MYT1L: variants seen among roughly 807,000 people sequenced by gnomAD.
The protein encoded by MYT1L is myelin transcription factor 1-like protein.
A neutral mutation model predicts 126.7 loss-of-function variants in MYT1L; 12 were observed. The observed-to-expected ratio is 0.09, with a 90% CI of 0.06 to 0.15. The LOEUF (loss-of-function observed/expected upper bound fraction) is 0.15, where lower values mean the gene tolerates loss of function less well. MYT1L is among the 10% of genes least tolerant of loss of function. The pLI, the probability that MYT1L is intolerant of heterozygous loss-of-function variation, is 1.00. For missense variants in MYT1L, 979 were observed against 1,585.2 expected, an observed-to-expected ratio of 0.62 and a Z score of 6.49; for synonymous variants, 541 against 604.2, an observed-to-expected ratio of 0.90 and a Z score of 1.53.
chr2:1,959,369 C>A (rs2058771894), intron 8 of MYT1L, among the ~76,000 whole-genome samples: 3 of 152,300 alleles, frequency 2.0e-5, no homozygotes, highest in Admixed American at 2.0e-4. Context: ...CCTGTGACCT[C>A]TCAGACCGTC....
At chr2:2,226,555 C>T (rs2094014991) in intron 2 of MYT1L, among the ~76,000 whole-genome samples, 1 of 152,044 alleles carries the variant, frequency 6.6e-6, no homozygotes, top group Non-Finnish European at 1.5e-5. Context: ...TGTCTGTTCT[C>T]CCAAAGCCAG....
At chr2:2,082,692 C>T (rs912561861) in intron 3 of MYT1L, among the ~76,000 whole-genome samples, 3 of 152,158 alleles carry the variant, frequency 2.0e-5, no homozygotes, top group Non-Finnish European at 2.9e-5. Context: ...ATGCTGTTCA[C>T]ATAGCATAGC....
intron 21 of MYT1L, chr2:1,816,693 C>T (rs2037704900): frequency 6.5e-6 from 1 of 152,756 alleles, no homozygotes; most frequent in Non-Finnish European, 1.5e-5. Flanking sequence ...TCAGGGAAAC[C>T]CCGTCACCCA....
At chr2:2,237,114 T>C (rs1450172068) in intron 2 of MYT1L, among the ~76,000 whole-genome samples, 1 of 152,152 alleles carries the variant, frequency 6.6e-6, no homozygotes, top group African/African-American at 2.4e-5. Flanking sequence ...ACGCCCAACC[T>C]GGTTGTCCTT....
chr2:1,958,445 C>T (rs1354995256), intron 8 of MYT1L, among the ~76,000 whole-genome samples: 1 of 152,200 alleles, frequency 6.6e-6, no homozygotes, highest in Non-Finnish European at 1.5e-5. Context: ...GCAGATGGAA[C>T]CCAGATAGGG....
At position 2,168,123 on chromosome 2, in the gene MYT1L, G is replaced by A. The variant is rs79479272; in HGVS notation, c.-304+4749C>T. On this transcript the variant is annotated intron_variant, in intron 3 of 24. Coordinates refer to ENST00000647738, the MANE Select transcript of MYT1L (RefSeq NM_001303052.2). Reference sequence around the variant, plus strand: ...AGGTGACTTCACATCGGTGGGATCAGTGTGTGTAGACCTATGAGGCACATG... The same window carrying A: ...AGGTGACTTCACATCGGTGGGATCAATGTGTGTAGACCTATGAGGCACATG... Among the ~76,000 whole-genome samples the A allele has an allele frequency of 9.8e-5, 15 of 152,330 alleles. No individual in the cohort carries two copies. The East Asian group carries it at 2.9e-3, about 29-fold the overall frequency.
intron 4 of MYT1L, among the ~76,000 whole-genome samples, chr2:2,006,526 C>G (rs113114225): frequency 2.0e-5 from 3 of 152,148 alleles, no homozygotes; most frequent in African/African-American, 7.2e-5. Context: ...CATCACCCCC[C>G]ACCCATAACC....
At chr2:2,307,268 C>T (rs137930896) in intron 1 of MYT1L, among the ~76,000 whole-genome samples, 32 of 152,194 alleles carry the variant, frequency 2.1e-4, no homozygotes, top group African/African-American at 7.7e-4. Context: ...AGCAGAAAAA[C>T]GCCAAAGCTG....
intron 4 of MYT1L, among the ~76,000 whole-genome samples, chr2:2,012,611 T>C (rs1306716677): frequency 1.3e-5 from 2 of 152,240 alleles, no homozygotes; most frequent in Non-Finnish European, 2.9e-5. Context: ...AGGTCAACAA[T>C]GGTCCAAAAA....
rs147437436 is a variant in MYT1L, at chr2:2,159,912, A to G, written c.-304+12960T>C. Among the ~76,000 whole-genome samples, 622 of 152,180 alleles carry G rather than the reference A, an allele frequency of 4.1e-3. 4 individuals are homozygous for G. The highest frequency in any genetic ancestry group is 0.014 in the African/African-American group (601 of 41,522). The stretch of plus-strand genomic sequence containing the variant: ...ACTCAGCAGGCTGTGAGTGAATTCA[A>G]AAGCCCAAAGTGCTCAGGTGCTGGG... On this transcript the variant is annotated intron_variant, in intron 3 of 24. Coordinates refer to ENST00000647738, the MANE Select transcript of MYT1L (RefSeq NM_001303052.2).
chr2:1,857,269 T>A (rs1295580265), intron 18 of MYT1L, among the ~76,000 whole-genome samples: 1 of 152,198 alleles, frequency 6.6e-6, no homozygotes, highest in Non-Finnish European at 1.5e-5. Context: ...CAATCTCTCA[T>A]CTTGATTGAG....
rs114384033 is a variant in MYT1L, at chr2:1,975,149, C to T, written c.152+4016G>A. Among the ~76,000 whole-genome samples the T allele has an allele frequency of 3.1e-3, 462 of 148,644 alleles. 2 individuals carry two copies. Among genetic ancestry groups the T allele is most frequent in the African/African-American group, 0.011 (444 of 39,644 alleles). ...CTCTATTCTCAATTTCGTACAAGCC[C>T]GTAACTATACAACAATCACACTAAA... is the stretch of plus-strand genomic sequence containing the variant. On this transcript the variant is annotated intron_variant, in intron 8 of 24. Transcript: ENST00000647738.
At chr2:2,044,644 G>A (rs1403637141) in intron 4 of MYT1L, among the ~76,000 whole-genome samples, 1 of 152,162 alleles carries the variant, frequency 6.6e-6, no homozygotes, top group Non-Finnish European at 1.5e-5. Context: ...TGCGTTGATA[G>A]TATAAACGGA....
intron 2 of MYT1L, among the ~76,000 whole-genome samples, chr2:2,253,583 C>T (rs967502667): frequency 1.3e-5 from 2 of 152,066 alleles, no homozygotes; most frequent in Admixed American, 6.5e-5. Flanking sequence ...CACAGGATCA[C>T]GGAAGAGAAA....
At chr2:1,874,694 T>C (rs1391091112) in intron 18 of MYT1L, among the ~76,000 whole-genome samples, 1 of 152,200 alleles carries the variant, frequency 6.6e-6, no homozygotes, top group African/African-American at 2.4e-5. Context: ...CACGTCCCTC[T>C]GCCCGTGCCG....
At chr2:2,067,900 C>T (rs1436040226) in intron 3 of MYT1L, among the ~76,000 whole-genome samples, 1 of 151,916 alleles carries the variant, frequency 6.6e-6, no homozygotes, top group African/African-American at 2.4e-5. Flanking sequence ...ACACATACAC[C>T]ACAAGTGTAT....
chr2:2,320,661 T>C (rs1021977553), intron 1 of MYT1L, among the ~76,000 whole-genome samples: 2 of 152,090 alleles, frequency 1.3e-5, no homozygotes, highest in Non-Finnish European at 2.9e-5. Flanking sequence ...AAAATACAAG[T>C]CATTATGACT....
chr2:2,021,493 T>C (rs1281563530), intron 4 of MYT1L, among the ~76,000 whole-genome samples: 1 of 152,146 alleles, frequency 6.6e-6, no homozygotes, highest in Admixed American at 6.5e-5. Context: ...TGAGGGTCGA[T>C]TGGAGAACAT....
chr2:2,180,847 C>G (rs946973904), intron 2 of MYT1L, among the ~76,000 whole-genome samples: 7 of 147,118 alleles, frequency 4.8e-5, no homozygotes, highest in Non-Finnish European at 1.0e-4. Context: ...TATATCTGTA[C>G]CTGTGTATGC....
Sources: gnomAD v4.1 joint callset for allele counts (sites outside exome capture counted in the v4.1 genomes callset) on GRCh38, gnomAD v4.1.1 for gene constraint, MANE v1.5 for transcripts, NCBI Gene and HGNC (gene_info 2026-07-23, HGNC 2026-07-21) for gene names.